Variants in RNF169 observed in about 807,000 individuals in gnomAD.
RNF169 encodes ring finger protein 169, also known as E3 ubiquitin-protein ligase RNF169.
A neutral mutation model predicts 53.9 loss-of-function variants in RNF169; 24 were observed. The ratio of observed to expected loss-of-function variants is 0.45; its 90% CI spans 0.32 to 0.63. The LOEUF is 0.63. Ranked by LOEUF, RNF169 falls within the 20% of genes least tolerant of loss-of-function variation. The probability of loss-of-function intolerance (pLI) is 0.04; values close to 1 mark genes in which losing one functional copy is unlikely to be tolerated. For synonymous variants in RNF169, 396 were observed against 363.5 expected, an observed-to-expected ratio of 1.09 and a Z score of -1.02; for missense variants, 883 against 906.2, an observed-to-expected ratio of 0.97 and a Z score of 0.33.
At chr11:74,784,653 C>A (rs1449335385) in intron 1 of RNF169, among the ~76,000 whole-genome samples, 1 of 152,206 alleles carries the variant, frequency 6.6e-6, no homozygotes, top group Non-Finnish European at 1.5e-5. Flanking sequence ...CATAGGCACC[C>A]TCTACCTAGC....
At chr11:74,797,733 A>G (rs1306347807) in intron 2 of RNF169, among the ~76,000 whole-genome samples, 1 of 152,194 alleles carries the variant, frequency 6.6e-6, no homozygotes, top group Non-Finnish European at 1.5e-5. Flanking sequence ...ACATCCCAGC[A>G]CTTTCGGAGG....
intron 1 of RNF169, among the ~76,000 whole-genome samples, chr11:74,768,207 A>G (rs548497099): frequency 6.6e-6 from 1 of 152,374 alleles, no homozygotes; most frequent in African/African-American, 2.4e-5. Context: ...TTGGTGGATA[A>G]TGAGTGGCCA....
chr11:74,768,012 A>G (rs1325844728), intron 1 of RNF169, among the ~76,000 whole-genome samples: 1 of 152,130 alleles, frequency 6.6e-6, no homozygotes, highest in African/African-American at 2.4e-5. Flanking sequence ...ATTTATCAAT[A>G]AGGATGATTA....
At chr11:74,796,122 A>G (rs1274687619) in intron 2 of RNF169, among the ~76,000 whole-genome samples, 2 of 152,202 alleles carry the variant, frequency 1.3e-5, no homozygotes, top group East Asian at 3.8e-4. Context: ...TTTCTTGTTT[A>G]TAAGACTTAA....
Position 74,838,291 on chromosome 11 carries a change from T to C in RNF169, c.*1561T>C, listed in dbSNP as rs1254842284. The stretch of plus-strand genomic sequence containing the variant: ...ATAGTATAACTCCTTTTAAGTGTTC[T>C]CAGATTTGCCTTTTCTCAGGGCAAA... On this transcript the variant is annotated 3_prime_UTR_variant, in exon 6 of 6. Transcript: ENST00000299563. 6.6e-6 allele frequency: 1 copy of C among 152,230 alleles called. No individual in the cohort carries two copies. The highest frequency in any genetic ancestry group is 2.4e-5 in the African/African-American group (1 of 41,462). 9.4% of individuals were successfully genotyped at this position (152,230 alleles called of 1,614,324 possible).
At chr11:74,770,262 C>T (rs889159473) in intron 1 of RNF169, among the ~76,000 whole-genome samples, 29 of 152,328 alleles carry the variant, frequency 1.9e-4, no homozygotes, top group African/African-American at 6.3e-4. Flanking sequence ...AGAGTCTAAG[C>T]GATAGCCATC....
chr11:74,784,922 A>G (rs1440456924), intron 1 of RNF169, among the ~76,000 whole-genome samples: 1 of 152,138 alleles, frequency 6.6e-6, no homozygotes, highest in Non-Finnish European at 1.5e-5. Context: ...GTGTATGTGT[A>G]CGTGTACATG....
chr11:74,824,670 A>G (rs2036066613), intron 4 of RNF169, among the ~76,000 whole-genome samples: 1 of 152,242 alleles, frequency 6.6e-6, no homozygotes, highest in South Asian at 2.1e-4. Context: ...GAGAATTACC[A>G]AAACGTGACA....
intron 4 of RNF169, among the ~76,000 whole-genome samples, chr11:74,830,182 A>T (rs2036157643): frequency 6.6e-6 from 1 of 152,126 alleles, no homozygotes; most frequent in South Asian, 2.1e-4. Flanking sequence ...AATAATAAAG[A>T]TTACATTTAA....
In RNF169 at chr11:74,797,057, G is replaced by C. The variant is rs769537981; in HGVS notation, c.576+7358G>C. Among the ~76,000 whole-genome samples, 325 of 152,188 alleles carry C rather than the reference G, an allele frequency of 2.1e-3. 1 individual carries two copies. The highest frequency in any genetic ancestry group is 3.0e-3 in the Non-Finnish European group (205 of 68,004). ...CAAGGGGTATTTTCTCCCCATTGTGGGCTGAATTATTCAAGTAGTAAGCAT... is the reference window on the plus strand; with the variant it reads ...CAAGGGGTATTTTCTCCCCATTGTGCGCTGAATTATTCAAGTAGTAAGCAT... On this transcript the variant is annotated intron_variant, in intron 2 of 5. Coordinates refer to ENST00000299563, the MANE Select transcript of RNF169 (RefSeq NM_001098638.2).
intron 1 of RNF169, among the ~76,000 whole-genome samples, chr11:74,761,403 G>T (rs868182122): frequency 7.1e-4 from 104 of 145,952 alleles, no homozygotes; most frequent in African/African-American, 2.5e-3. Context: ...TTTCTTCCTA[G>T]TCTCGATGGT....
At chr11:74,805,384 T>C (rs2035789001) in intron 2 of RNF169, among the ~76,000 whole-genome samples, 1 of 152,216 alleles carries the variant, frequency 6.6e-6, no homozygotes, top group African/African-American at 2.4e-5. Context: ...TGATTGCTAA[T>C]AGGTTCAAAA....
chr11:74,777,407 G>A (rs559371998), intron 1 of RNF169, among the ~76,000 whole-genome samples: 65 of 152,290 alleles, frequency 4.3e-4, no homozygotes, highest in African/African-American at 1.6e-3. Context: ...GGCTTGGTCT[G>A]CCTAGGATAA....
rs567781988 is a variant in RNF169, at chr11:74,823,958, T to C, written c.842+6244T>C. Reference sequence around the variant, plus strand: ...ACCCAGGGGTGGGGAGAGAATCTGATTTTCATAGTTGCCACCTTATAATAT... The same window carrying C: ...ACCCAGGGGTGGGGAGAGAATCTGACTTTCATAGTTGCCACCTTATAATAT... On this transcript the variant is annotated intron_variant, in intron 4 of 5. Transcript: ENST00000299563. Among the ~76,000 whole-genome samples, 10 of 152,216 alleles carry C rather than the reference T, an allele frequency of 6.6e-5. No homozygotes were observed. In the East Asian group the frequency reaches 1.7e-3, roughly 26 times the overall value.
chr11:74,834,748 C>G lies in RNF169; in HGVS notation c.915C>G (p.Val305=), dbSNP rs370267054. The part of the protein sequence containing the change: ...DTAQERAKSR[V]RAVPGNKAKV... ...CCCAGGAAAGAGCGAAGAGCAGAGT[C>G]AGAGCAGTTCCAGGCAACAAAGCCA... Residue 305 remains valine, a synonymous_variant, in exon 5 of 6, where the codon GTC becomes GTG. Coordinates refer to ENST00000299563, the MANE Select transcript of RNF169 (RefSeq NM_001098638.2). The G allele has an allele frequency of 2.4e-5, 38 of 1,613,950 alleles. No individual in the cohort carries two copies. In the African/African-American group the frequency reaches 5.1e-4, roughly 22 times the overall value.
At chr11:74,834,822 C>T (rs2036229445) in intron 5 of RNF169, 47 bp downstream of exon 5, 1 of 1,279,444 alleles carries the variant, frequency 7.8e-7, no homozygotes, top group African/African-American at 1.5e-5. Context: ...CTTGCCCCAT[C>T]ACCCCCTCTG....
At position 74,770,012 on chromosome 11, in the gene RNF169, G is replaced by A. The variant is rs149855048; in HGVS notation, c.503-19614G>A. On this transcript the variant is annotated intron_variant, in intron 1 of 5. Transcript: ENST00000299563. ...TCACCATGTTGCCCAGGTTGGTCTT[G>A]AACTCCTGGGTTCAAGCAATCCTCC... 1.8e-4 allele frequency among the ~76,000 whole-genome samples: 28 copies of A among 152,278 alleles called. No homozygotes were observed. In the East Asian group the frequency reaches 5.2e-3, roughly 28 times the overall value.
intron 1 of RNF169, among the ~76,000 whole-genome samples, chr11:74,778,850 C>T (rs969564091): frequency 1.3e-5 from 2 of 152,216 alleles, no homozygotes; most frequent in African/African-American, 4.8e-5. Context: ...TAGCTTGGAA[C>T]ACACATTCAG....
rs1205141863 is a variant in RNF169, at chr11:74,839,391, A to G, written c.*2661A>G. The G allele has an allele frequency of 1.3e-5, 2 of 152,230 alleles. No homozygotes were observed. Among genetic ancestry groups the G allele is most frequent in the East Asian group, 1.9e-4 (1 of 5,200 alleles). 9.4% of individuals were successfully genotyped at this position (152,230 alleles called of 1,614,324 possible). ...AAACCTGAATGCTTTTCTTTCTGAA[A>G]AATCTCCCTCTCTCCTTCCATGATT... is the stretch of plus-strand genomic sequence containing the variant. On this transcript the variant is annotated 3_prime_UTR_variant, in exon 6 of 6. Coordinates refer to ENST00000299563, the MANE Select transcript of RNF169 (RefSeq NM_001098638.2).
Sources: allele counts gnomAD v4.1 joint callset (sites outside exome capture counted in the v4.1 genomes callset), GRCh38; gene constraint gnomAD v4.1.1; transcripts MANE v1.5; gene names NCBI Gene and HGNC (gene_info 2026-07-23, HGNC 2026-07-21).